The following TBX15 variants were observed in gnomAD, a reference collection of about 807,000 sequenced individuals.
TBX15 encodes T-box transcription factor 15.
In TBX15, 18 loss-of-function variants were observed where a neutral mutation model predicts 53.9. The ratio of observed to expected loss-of-function variants is 0.33; its 90% confidence interval spans 0.23 to 0.49. TBX15 has a LOEUF of 0.49. Among genes scored for constraint, TBX15 ranks in the 20% least tolerant of loss-of-function variants. The pLI is 0.98. For missense variants in TBX15, 692 were observed against 749.5 expected (o/e 0.92, Z 0.90); for synonymous variants, 295 against 278.0 (o/e 1.06, Z -0.61).
At chr1:118,940,176 G>A (rs760852738) in intron 1 of TBX15, among the ~76,000 whole-genome samples, 2 of 151,780 alleles carry the variant, frequency 1.3e-5, no homozygotes, top group Admixed American at 6.6e-5. Flanking sequence ...TAAAACTGTC[G>A]GTTTTTTGAG....
chr1:118,940,443 A>G (rs1458347873), intron 1 of TBX15, among the ~76,000 whole-genome samples: 2 of 151,924 alleles, frequency 1.3e-5, no homozygotes, highest in African/African-American at 4.9e-5. Context: ...ATTAAGCAAA[A>G]CATTACAAGG....
At chr1:118,936,078 T>C (rs1339224944) in intron 1 of TBX15, among the ~76,000 whole-genome samples, 1 of 152,204 alleles carries the variant, frequency 6.6e-6, no homozygotes, top group Non-Finnish European at 1.5e-5. Flanking sequence ...GTGGCTTAAA[T>C]ATGTTTGATC....
intron 1 of TBX15, 90 bp downstream of exon 1, chr1:118,987,501 G>A: frequency 7.1e-7 from 1 of 1,405,516 alleles, no homozygotes; most frequent in Non-Finnish European, 9.4e-7. Flanking sequence ...GGCGTCAATG[G>A]CAGGGCCTAG....
Position 118,926,513 on chromosome 1 carries a change from T to C in TBX15, c.518A>G (p.Tyr173Cys). Residue 173 changes from tyrosine (Y) to cysteine (C), a missense_variant, in exon 3 of 8, where the codon TAC (tyrosine) becomes TGC (cysteine). Tyr to Cys is a radical substitution (Grantham distance 194). Coordinates refer to ENST00000369429, the MANE Select transcript of TBX15 (RefSeq NM_001330677.2). Reference protein sequence around the residue: ...MDIVPVDNKRYRYVYHSSKWM... With the variant: ...MDIVPVDNKRCRYVYHSSKWM... Reference sequence around the variant, plus strand: ...CACATCCCAGAGTTATTGTTACCTGTATCTTTTATTGTCCACAGGCACAAT... The same window carrying C: ...CACATCCCAGAGTTATTGTTACCTGCATCTTTTATTGTCCACAGGCACAAT... 2 of 1,612,978 alleles carry C rather than the reference T, an allele frequency of 1.2e-6. No individual in the cohort carries two copies. Among genetic ancestry groups the C allele is most frequent in the Non-Finnish European group, 1.7e-6 (2 of 1,179,120 alleles).
At position 118,986,501 on chromosome 1, in the gene TBX15, T is replaced by C. The variant is rs993231982; in HGVS notation, c.205+1090A>G. Among the ~76,000 whole-genome samples, 7 of 152,224 alleles carry C rather than the reference T, an allele frequency of 4.6e-5. 1 individual carries two copies. Among genetic ancestry groups the C allele is most frequent in the African/African-American group, 1.7e-4 (7 of 41,452 alleles). On this transcript the variant is annotated intron_variant, in intron 1 of 7. Transcript: ENST00000369429. ...AGCCTCGGGAGCATGGAAATTGAAC[T>C]GTCACTGCCTAAAGAGAAAATGTAA...
rs191813610 is a variant in TBX15 at position 118,952,960 on chromosome 1, G to C, written c.206-21128C>G. Among the ~76,000 whole-genome samples, 24 of 152,196 alleles carry C rather than the reference G, an allele frequency of 1.6e-4. No homozygotes were observed. In the East Asian group the frequency reaches 4.7e-3, roughly 30 times the overall value. On this transcript the variant is annotated intron_variant, in intron 1 of 7. Coordinates refer to ENST00000369429, the MANE Select transcript of TBX15 (RefSeq NM_001330677.2). ...ATATTTAGATCCACCCACAGCTCAG[G>C]CTTCTTAAAGCAGAATAGAAATAGG...
chr1:118,948,049 A>G (rs1050686260), intron 1 of TBX15, among the ~76,000 whole-genome samples: 16 of 152,194 alleles, frequency 1.1e-4, no homozygotes, highest in African/African-American at 3.9e-4. Flanking sequence ...GTGCTGACCA[A>G]TGGACCCCAT....
chr1:118,904,201 T>G (rs1019897549), intron 6 of TBX15, among the ~76,000 whole-genome samples: 3 of 152,092 alleles, frequency 2.0e-5, no homozygotes, highest in Non-Finnish European at 2.9e-5. Context: ...ATGCCTCTGA[T>G]CCCCTTTCTT....
chr1:118,913,671 AAC>A (rs1655097138), intron 6 of TBX15, among the ~76,000 whole-genome samples: 1 of 152,176 alleles, frequency 6.6e-6, no homozygotes, highest in South Asian at 2.1e-4. Context: ...CCAGGAGAAA[AAC>A]AGTTACATTT....
intron 1 of TBX15, among the ~76,000 whole-genome samples, chr1:118,969,357 A>G (rs1571213133): frequency 6.6e-6 from 1 of 152,236 alleles, no homozygotes; most frequent in Non-Finnish European, 1.5e-5. Flanking sequence ...GGACCATGAA[A>G]GACCTGAAGG....
intron 1 of TBX15, among the ~76,000 whole-genome samples, chr1:118,950,311 G>T (rs1656476623): frequency 6.6e-6 from 1 of 152,188 alleles, no homozygotes; most frequent in African/African-American, 2.4e-5. Flanking sequence ...TGTCTGACTT[G>T]TGCTTCACTG....
At chr1:118,940,727 C>A (rs59359586) in intron 1 of TBX15, among the ~76,000 whole-genome samples, 743 of 44,518 alleles carry the variant, frequency 0.017, 17 homozygotes, top group African/African-American at 0.025. Flanking sequence ...ATCAGAAAAA[C>A]AAAAAAAAAT....
chr1:118,949,083 A>G (rs1656432895), intron 1 of TBX15, among the ~76,000 whole-genome samples: 1 of 152,222 alleles, frequency 6.6e-6, no homozygotes, highest in Non-Finnish European at 1.5e-5. Context: ...CTTGAAATTC[A>G]GAAGCATGAG....
chr1:118,939,939 G>T (rs1348703131), intron 1 of TBX15, among the ~76,000 whole-genome samples: 5 of 151,826 alleles, frequency 3.3e-5, no homozygotes, highest in African/African-American at 1.2e-4. Flanking sequence ...TTATATATAA[G>T]AAACCTGAGG....
chr1:118,982,100 G>T (rs573536871), intron 1 of TBX15, among the ~76,000 whole-genome samples: 143 of 152,290 alleles, frequency 9.4e-4, no homozygotes, highest in East Asian at 3.9e-3. Context: ...ATAACCAGCT[G>T]CACTCCCAGA....
chr1:118,884,901 G>C lies in TBX15; in HGVS notation c.1640C>G (p.Pro547Arg). 6.2e-7 allele frequency: 1 copy of C among 1,614,210 alleles called. No individual in the cohort carries two copies. Among genetic ancestry groups the C allele is most frequent in the South Asian group, 1.1e-5 (1 of 91,084 alleles). The part of the protein sequence containing the change: ...ASQSTLLCSS[P>R]SNGAFGERQY... ...CCTCTCTCCAAAGGCCCCGTTGGAAGGAGAAGAACAGAGTAAAGTGCTTTG... is the reference window on the plus strand; with the variant it reads ...CCTCTCTCCAAAGGCCCCGTTGGAACGAGAAGAACAGAGTAAAGTGCTTTG... The change falls in exon 8 of 8, where the codon CCT becomes CGT. Residue 547 changes from proline to arginine, a missense_variant. By Grantham distance (103) the Pro-to-Arg change is moderately radical. Around this residue, in one of 3 missense-constraint regions of TBX15, gnomAD observed 375 missense variants for 371.6 expected, o/e 1.01. Coordinates refer to ENST00000369429, the MANE Select transcript of TBX15 (RefSeq NM_001330677.2).
At chr1:118,928,007 T>C (rs1475791969) in intron 2 of TBX15, among the ~76,000 whole-genome samples, 1 of 152,328 alleles carries the variant, frequency 6.6e-6, no homozygotes, top group East Asian at 1.9e-4. Flanking sequence ...GATCCACATA[T>C]GGCCTAATTG....
rs192035780 is a variant in TBX15, at chr1:118,931,239, A to T, written c.419+380T>A. ...ATTACTACAAAAGCATTGTTGCTTT[A>T]AATACTTTAGAAGATGCAAGTTGTT... On this transcript the variant is annotated intron_variant, in intron 2 of 7. Coordinates refer to ENST00000369429, the MANE Select transcript of TBX15 (RefSeq NM_001330677.2). Among the ~76,000 whole-genome samples the T allele has an allele frequency of 2.0e-5, 3 of 152,378 alleles. No individual in the cohort carries two copies. The East Asian group carries it at 5.8e-4, about 29-fold the overall frequency.
intron 1 of TBX15, among the ~76,000 whole-genome samples, chr1:118,977,419 C>T (rs990517971): frequency 6.6e-6 from 1 of 152,058 alleles, no homozygotes; most frequent in East Asian, 1.9e-4. Context: ...TAAGTGCTTC[C>T]TATGTAACAG....
Sources: allele counts gnomAD v4.1 joint callset (sites outside exome capture counted in the v4.1 genomes callset), GRCh38; gene constraint gnomAD v4.1.1; regional missense constraint gnomAD v4.1.1; transcripts MANE v1.5; gene names NCBI Gene and HGNC (gene_info 2026-07-23, HGNC 2026-07-21).